Variants in ACTMAP observed in about 807,000 individuals in gnomAD.
ACTMAP encodes UPF0692 protein C19orf54.
chr19:40,747,636 C>T, the ACTMAP span, among the ~76,000 whole-genome samples: 1 of 152,050 alleles, frequency 6.6e-6, no homozygotes, highest in Non-Finnish European at 1.5e-5. Context: ...AAGAAGATCG[C>T]TTGGGCCCAA....
chr19:40,743,914 C>T, the ACTMAP span: 4 of 1,614,010 alleles, frequency 2.5e-6, no homozygotes, highest in Non-Finnish European at 3.4e-6. Flanking sequence ...CCTGCACTCA[C>T]CGCCCAGTGT....
chr19:40,745,161 C>T, the ACTMAP span: 2 of 1,551,882 alleles, frequency 1.3e-6, no homozygotes, highest in African/African-American at 1.4e-5. Flanking sequence ...GACGGCAGGT[C>T]TGCACAGAAG....
chr19:40,742,393 G>A, the ACTMAP span: 2 of 1,439,800 alleles, frequency 1.4e-6, no homozygotes, highest in Non-Finnish European at 1.8e-6. Flanking sequence ...CACTTCAAAT[G>A]GTTACCGAGC....
the ACTMAP span, chr19:40,744,457 A>C: frequency 6.5e-6 from 10 of 1,530,280 alleles, no homozygotes; most frequent in Non-Finnish European, 7.9e-6. Flanking sequence ...GGGCCCAAAG[A>C]ATGGAATGAG....
the ACTMAP span, chr19:40,744,733 C>T: frequency 7.7e-6 from 12 of 1,549,188 alleles, no homozygotes; most frequent in African/African-American, 1.4e-5. Context: ...AGCCCCCTTA[C>T]CTGGAAGCTG....
At chr19:40,744,909 G>A in the ACTMAP span, 119 of 799,948 alleles carry the variant, frequency 1.5e-4, 1 homozygote, top group Non-Finnish European at 2.2e-4. Flanking sequence ...CCAAGGTGGA[G>A]TTAGAGAGAT....
At chr19:40,746,259 G>A in the ACTMAP span, among the ~76,000 whole-genome samples, 3 of 151,984 alleles carry the variant, frequency 2.0e-5, no homozygotes, top group East Asian at 5.8e-4. Flanking sequence ...CCCTCTTGTT[G>A]CTCCGGCTGG....
the ACTMAP span, chr19:40,741,898 G>C: frequency 2.2e-6 from 1 of 453,608 alleles, no homozygotes; most frequent in Non-Finnish European, 4.4e-6. Flanking sequence ...GGGGTGTCTT[G>C]ACTGGGGCTG....
the ACTMAP span, among the ~76,000 whole-genome samples, chr19:40,748,113 G>A: frequency 6.6e-6 from 1 of 152,106 alleles, no homozygotes; most frequent in Non-Finnish European, 1.5e-5. Flanking sequence ...GTAAAAGGTG[G>A]CTGTAATTTG....
chr19:40,747,593 G>A, the ACTMAP span, among the ~76,000 whole-genome samples: 3 of 152,106 alleles, frequency 2.0e-5, no homozygotes, highest in Non-Finnish European at 4.4e-5. Flanking sequence ...GGTGGCTAAC[G>A]CCTGTAATTC....
At chr19:40,742,044 G>C in the ACTMAP span, 21 of 477,102 alleles carry the variant, frequency 4.4e-5, no homozygotes, top group Non-Finnish European at 8.3e-5. Context: ...AGGCCAGTAT[G>C]ACTAGTAGGT....
chr19:40,744,528 A>C, the ACTMAP span: 1 of 1,611,466 alleles, frequency 6.2e-7, no homozygotes, highest in South Asian at 1.1e-5. Flanking sequence ...CCTCATGAAG[A>C]GATGATGGAG....
the ACTMAP span, among the ~76,000 whole-genome samples, chr19:40,747,122 T>A: frequency 6.6e-6 from 1 of 152,062 alleles, no homozygotes; most frequent in Non-Finnish European, 1.5e-5. Context: ...TTATTATTCC[T>A]ATTCCAAGGC....
the ACTMAP span, chr19:40,743,908 C>T: frequency 1.9e-6 from 3 of 1,613,884 alleles, no homozygotes; most frequent in African/African-American, 1.3e-5. Context: ...AACCCACCTG[C>T]ACTCACCGCC....
chr19:40,747,182 A>T, the ACTMAP span, among the ~76,000 whole-genome samples: 3 of 152,042 alleles, frequency 2.0e-5, no homozygotes, highest in Non-Finnish European at 4.4e-5. Context: ...GCGGACTCAG[A>T]GCTCCTGGTT....
the ACTMAP span, chr19:40,750,016 G>A: frequency 6.8e-6 from 3 of 443,018 alleles, no homozygotes; most frequent in Non-Finnish European, 1.2e-5. Flanking sequence ...GGCACCTGAC[G>A]GTTAACAGGG....
chr19:40,743,468 A>T, the ACTMAP span, among the ~76,000 whole-genome samples: 30 of 152,198 alleles, frequency 2.0e-4, no homozygotes, highest in Admixed American at 1.4e-3. Flanking sequence ...CCTGACCTCA[A>T]GCGATCCACC....
chr19:40,745,127 T>TCCA, the ACTMAP span: 1 of 1,551,738 alleles, frequency 6.4e-7, no homozygotes, highest in African/African-American at 1.4e-5. Flanking sequence ...TCAGGGCACA[T>TCCA]ACTGAGGGCC....
the ACTMAP span, among the ~76,000 whole-genome samples, chr19:40,748,984 CTTTTTTTT>C: frequency 3.9e-5 from 4 of 102,528 alleles, no homozygotes; most frequent in Non-Finnish European, 5.8e-5. Flanking sequence ...GGCATTTGCT[CTTTTTTTT>C]TTTTTTTTTT....
Sources: allele counts gnomAD v4.1 joint callset (sites outside exome capture counted in the v4.1 genomes callset), GRCh38; gene constraint gnomAD v4.1.1; transcripts MANE v1.5; gene names NCBI Gene and HGNC (gene_info 2026-07-23, HGNC 2026-07-21).